The following CCDC178 variants were observed in gnomAD, a reference collection of about 807,000 sequenced individuals.
CCDC178 encodes coiled-coil domain-containing protein 178.
In CCDC178, 126 loss-of-function variants were observed where a neutral mutation model predicts 117.4. The observed-to-expected ratio is 1.07, with a 90% CI of 0.93 to 1.24. CCDC178 has a LOEUF of 1.24. Ranked by LOEUF, CCDC178 falls within the 50% of genes most tolerant of loss-of-function variation. The pLI is 0.00. For synonymous variants in CCDC178, 283 were observed against 313.4 expected, an observed-to-expected ratio of 0.90 and a Z score of 1.02; for missense variants, 1,030 against 986.9, an observed-to-expected ratio of 1.04 and a Z score of -0.59.
chr18:33,292,631 T>C (rs1323247310), intron 12 of CCDC178, among the ~76,000 whole-genome samples: 1 of 152,002 alleles, frequency 6.6e-6, no homozygotes, highest in African/African-American at 2.4e-5. Flanking sequence ...TTACCCTAAT[T>C]TGATCATTAC....
At chr18:33,141,001 T>C (rs1415734795) in intron 20 of CCDC178, among the ~76,000 whole-genome samples, 1 of 152,180 alleles carries the variant, frequency 6.6e-6, no homozygotes, top group Non-Finnish European at 1.5e-5. Context: ...TGGTTTTTAA[T>C]ATGGGAGTTT....
intron 5 of CCDC178, among the ~76,000 whole-genome samples, chr18:33,373,402 C>A (rs2063326010): frequency 6.6e-6 from 1 of 152,124 alleles, no homozygotes. Context: ...GCTCACAGGT[C>A]TCCCCACTAC....
chr18:33,263,053 A>G (rs1224242421), intron 14 of CCDC178, among the ~76,000 whole-genome samples: 1 of 152,168 alleles, frequency 6.6e-6, no homozygotes, highest in East Asian at 1.9e-4. Context: ...AGGTTGAACA[A>G]ATATTCAACC....
chr18:33,059,792 G>T (rs1303909214), intron 21 of CCDC178, among the ~76,000 whole-genome samples: 3 of 152,090 alleles, frequency 2.0e-5, no homozygotes, highest in African/African-American at 7.2e-5. Context: ...TTCTTCAAGG[G>T]TAATTTCTCT....
chr18:33,000,234 G>C (rs943815359), intron 21 of CCDC178, among the ~76,000 whole-genome samples: 1 of 151,704 alleles, frequency 6.6e-6, no homozygotes, highest in East Asian at 1.9e-4. Flanking sequence ...TTAGCAGAAG[G>C]ATCAAGCAGA....
At chr18:33,321,851 A>G (rs1300018495) in intron 11 of CCDC178, among the ~76,000 whole-genome samples, 1 of 151,998 alleles carries the variant, frequency 6.6e-6, no homozygotes, top group East Asian at 1.9e-4. Context: ...TCCACCCTTG[A>G]AAATATTTTC....
intron 21 of CCDC178, among the ~76,000 whole-genome samples, chr18:33,032,076 G>C (rs2056355451): frequency 1.3e-5 from 2 of 152,086 alleles, no homozygotes; most frequent in Non-Finnish European, 2.9e-5. Context: ...TCAGGACTGT[G>C]GTAAACTTTA....
intron 10 of CCDC178, among the ~76,000 whole-genome samples, chr18:33,332,493 T>A (rs1432111730): frequency 6.6e-6 from 1 of 152,160 alleles, no homozygotes; most frequent in Non-Finnish European, 1.5e-5. Flanking sequence ...ACAATGAAAT[T>A]AATATATTTT....
intron 14 of CCDC178, among the ~76,000 whole-genome samples, chr18:33,246,188 G>A (rs1297975349): frequency 6.6e-6 from 1 of 151,878 alleles, no homozygotes; most frequent in Non-Finnish European, 1.5e-5. Context: ...CACTCCATTT[G>A]ATTCTAACAT....
In CCDC178 at chr18:33,211,901, T is replaced by G. The variant is rs1342171642; in HGVS notation, c.2233A>C (p.Thr745Pro). ...LAVRQKTLQD[T>P]QKIIADSLEE... ...CATGCAAAAATAATACTCACTTGGG[T>G]ATCTTGAAGAGTTTTTTGTCTTACA... The change falls in exon 20 of 23, where the codon ACC becomes CCC. Residue 745 changes from threonine (T) to proline (P), a missense_variant. Transcript: ENST00000383096. 1.9e-6 allele frequency: 3 copies of G among 1,602,000 alleles called. No homozygotes were observed. Among genetic ancestry groups the G allele is most frequent in the Admixed American group, 1.7e-5 (1 of 57,454 alleles).
At chr18:33,091,261 G>A (rs1164196090) in intron 21 of CCDC178, among the ~76,000 whole-genome samples, 1 of 146,702 alleles carries the variant, frequency 6.8e-6, no homozygotes, top group Non-Finnish European at 1.5e-5. Context: ...AATGGTTTGA[G>A]GACACTAAGA....
chr18:33,268,795 A>G (rs1304352837), intron 12 of CCDC178, among the ~76,000 whole-genome samples: 1 of 150,184 alleles, frequency 6.7e-6, no homozygotes, highest in East Asian at 2.0e-4. Context: ...ATATAAATGT[A>G]ATAAAAAAAA....
chr18:33,370,430 T>C (rs571634445), intron 5 of CCDC178, among the ~76,000 whole-genome samples: 2 of 151,178 alleles, frequency 1.3e-5, no homozygotes, highest in African/African-American at 4.9e-5. Flanking sequence ...GAAGCCAAAA[T>C]AAAACTTCAA....
chr18:33,422,936 T>C (rs985059706), intron 2 of CCDC178, among the ~76,000 whole-genome samples: 3 of 152,214 alleles, frequency 2.0e-5, no homozygotes, highest in Non-Finnish European at 2.9e-5. Flanking sequence ...ATGACACATA[T>C]ACATCTTTTT....
intron 22 of CCDC178, among the ~76,000 whole-genome samples, chr18:32,952,571 T>C (rs2054510185): frequency 6.6e-6 from 1 of 152,154 alleles, no homozygotes; most frequent in African/African-American, 2.4e-5. Flanking sequence ...TAATCATTTT[T>C]CCCTCCTAGG....
At chr18:32,980,570 C>CAAAAAAAA (rs57402084) in intron 21 of CCDC178, among the ~76,000 whole-genome samples, 2 of 76,318 alleles carry the variant, frequency 2.6e-5, no homozygotes, top group African/African-American at 5.9e-5. Context: ...GACTCCGTCT[C>CAAAAAAAA]AAAAAAAAAA....
intron 21 of CCDC178, among the ~76,000 whole-genome samples, chr18:33,077,758 T>C (rs938373204): frequency 2.0e-5 from 3 of 152,116 alleles, no homozygotes; most frequent in African/African-American, 7.2e-5. Flanking sequence ...AGCAGATCAA[T>C]AACAAGTTCC....
chr18:33,041,945 T>C (rs906048533), intron 21 of CCDC178, among the ~76,000 whole-genome samples: 2 of 151,830 alleles, frequency 1.3e-5, no homozygotes, highest in Non-Finnish European at 2.9e-5. Context: ...TCACACTCAT[T>C]TGAGGAGGAA....
intron 20 of CCDC178, among the ~76,000 whole-genome samples, chr18:33,103,019 C>T (rs959579313): frequency 2.0e-5 from 3 of 151,740 alleles, no homozygotes; most frequent in African/African-American, 7.3e-5. Flanking sequence ...CATTTGCTAA[C>T]CCCTACTATA....
Sources: gnomAD v4.1 joint callset for allele counts (sites outside exome capture counted in the v4.1 genomes callset) on GRCh38, gnomAD v4.1.1 for gene constraint, MANE v1.5 for transcripts, NCBI Gene and HGNC (gene_info 2026-07-23, HGNC 2026-07-21) for gene names.